Variants in CNTNAP2 observed in about 807,000 individuals in gnomAD.
The protein encoded by CNTNAP2 is contactin associated protein 2, also known as contactin-associated protein-like 2.
CNTNAP2 carries 98 observed loss-of-function variants against 155.2 expected under a neutral mutation model. The observed-to-expected ratio is 0.63, with a 90% CI of 0.54 to 0.75. CNTNAP2 has a LOEUF of 0.75. Among genes scored for constraint, CNTNAP2 ranks in the 30% least tolerant of loss-of-function variants. The pLI is 0.00. For synonymous variants in CNTNAP2, 651 were observed against 631.2 expected (o/e 1.03, Z -0.47); for missense variants, 1,727 against 1,688.1 (o/e 1.02, Z -0.40).
At chr7:148,092,584 G>C (rs1008148503) in intron 15 of CNTNAP2, among the ~76,000 whole-genome samples, 2 of 152,182 alleles carry the variant, frequency 1.3e-5, no homozygotes, top group African/African-American at 4.8e-5. Flanking sequence ...CTAGTCCGAA[G>C]CCTAGTGGTT....
chr7:148,138,099 C>T (rs1391252239), intron 16 of CNTNAP2, among the ~76,000 whole-genome samples: 2 of 152,154 alleles, frequency 1.3e-5, no homozygotes, highest in Non-Finnish European at 1.5e-5. Flanking sequence ...CCACAGAAAC[C>T]AGAAAACAGA....
intron 12 of CNTNAP2, among the ~76,000 whole-genome samples, chr7:147,591,289 G>A (rs1800729704): frequency 6.6e-6 from 1 of 152,110 alleles, no homozygotes; most frequent in East Asian, 1.9e-4. Context: ...GTGTCTGTAG[G>A]TTTATTTTTT....
intron 3 of CNTNAP2, among the ~76,000 whole-genome samples, chr7:146,961,715 G>C (rs1413892832): frequency 6.6e-6 from 1 of 152,134 alleles, no homozygotes; most frequent in Admixed American, 6.5e-5. Context: ...TTGCAATGCT[G>C]AGCACAGCCA....
intron 1 of CNTNAP2, among the ~76,000 whole-genome samples, chr7:146,554,066 A>T (rs1218807008): frequency 6.6e-6 from 1 of 152,190 alleles, no homozygotes; most frequent in East Asian, 1.9e-4. Flanking sequence ...TATCTGTATT[A>T]ACACCGATTC....
chr7:148,339,399 G>C (rs11763212), intron 21 of CNTNAP2: 31,019 of 152,316 alleles, frequency 0.2, 3,513 homozygotes, highest in Admixed American at 0.29. Flanking sequence ...AGTACAGTCA[G>C]ATCCGCCGCC....
chr7:147,456,301 C>T (rs1338360984), intron 10 of CNTNAP2, among the ~76,000 whole-genome samples: 6 of 152,046 alleles, frequency 3.9e-5, no homozygotes, highest in Admixed American at 6.6e-5. Context: ...GCTAGAACTA[C>T]CTCTGCTTAC....
At chr7:147,842,088 G>A (rs773812518) in intron 13 of CNTNAP2, among the ~76,000 whole-genome samples, 1 of 152,140 alleles carries the variant, frequency 6.6e-6, no homozygotes, top group Non-Finnish European at 1.5e-5. Flanking sequence ...TTACACAGGT[G>A]CTTAATATTT....
At chr7:147,097,627 C>G (rs751376188) in intron 4 of CNTNAP2, 5 of 152,176 alleles carry the variant, frequency 3.3e-5, no homozygotes, top group Admixed American at 3.3e-4. Context: ...TTATCTCCCA[C>G]CAGATCCCTC....
At chr7:146,638,476 CTTTTTTTT>C (rs879600389) in intron 1 of CNTNAP2, among the ~76,000 whole-genome samples, 1,734 of 64,392 alleles carry the variant, frequency 0.027, 48 homozygotes, top group South Asian at 0.093. Flanking sequence ...TCAGGTGTTT[CTTTTTTTT>C]TTTTTTTTTT....
intron 12 of CNTNAP2, among the ~76,000 whole-genome samples, chr7:147,598,388 T>C (rs1196186899): frequency 6.6e-6 from 1 of 152,148 alleles, no homozygotes; most frequent in Non-Finnish European, 1.5e-5. Context: ...TGTGTCCATG[T>C]GTTCTCATTG....
chr7:148,098,814 C>G (rs891558111), intron 15 of CNTNAP2, among the ~76,000 whole-genome samples: 1 of 152,108 alleles, frequency 6.6e-6, no homozygotes, highest in African/African-American at 2.4e-5. Flanking sequence ...GACCTTAGAT[C>G]AGGCTTTCTG....
chr7:147,811,899 A>G (rs1296732401), intron 13 of CNTNAP2, among the ~76,000 whole-genome samples: 1 of 152,222 alleles, frequency 6.6e-6, no homozygotes, highest in Non-Finnish European at 1.5e-5. Context: ...TGGGTCCTGC[A>G]TTCTAATGGG....
At chr7:147,335,334 G>A (rs1351593206) in intron 9 of CNTNAP2, among the ~76,000 whole-genome samples, 2 of 152,066 alleles carry the variant, frequency 1.3e-5, no homozygotes, top group African/African-American at 4.8e-5. Flanking sequence ...CATTTTTGCT[G>A]CAAATAAAGA....
intron 8 of CNTNAP2, among the ~76,000 whole-genome samples, chr7:147,238,032 T>C (rs1001447042): frequency 3.9e-5 from 6 of 152,244 alleles, no homozygotes; most frequent in African/African-American, 1.2e-4. Context: ...TTTATTTTTT[T>C]GAGACGGAGT....
chr7:146,151,060 A>T (rs1288540944), intron 1 of CNTNAP2, among the ~76,000 whole-genome samples: 3 of 152,062 alleles, frequency 2.0e-5, no homozygotes, highest in Non-Finnish European at 4.4e-5. Context: ...GTGAGAGTGC[A>T]GGAAAAATCT....
intron 8 of CNTNAP2, chr7:147,167,651 G>A: frequency 4.4e-6 from 2 of 457,394 alleles, no homozygotes; most frequent in East Asian, 4.2e-5. Context: ...GCGGAGCAGG[G>A]TATGGGCCAC....
intron 21 of CNTNAP2, among the ~76,000 whole-genome samples, chr7:148,368,772 C>CAGG (rs1246674046): frequency 1.3e-5 from 2 of 152,064 alleles, no homozygotes; most frequent in African/African-American, 4.8e-5. Flanking sequence ...ATTGAGCAAG[C>CAGG]AGGGGGTATG....
chr7:148,276,623 AGCATCTGCCATATTAC>A (rs1796874110), intron 21 of CNTNAP2, among the ~76,000 whole-genome samples: 1 of 152,250 alleles, frequency 6.6e-6, no homozygotes, highest in African/African-American at 2.4e-5. Context: ...GGGCACTGAC[AGCATCTGCCATATTAC>A]GGATCTATTT....
At chr7:146,558,033 G>A (rs1243544951) in intron 1 of CNTNAP2, among the ~76,000 whole-genome samples, 3 of 152,072 alleles carry the variant, frequency 2.0e-5, no homozygotes, top group African/African-American at 7.2e-5. Flanking sequence ...GTGTTTTTTA[G>A]TACTGTGACA....
Sources: gnomAD v4.1 joint callset for allele counts (sites outside exome capture counted in the v4.1 genomes callset) on GRCh38, gnomAD v4.1.1 for gene constraint, MANE v1.5 for transcripts, NCBI Gene and HGNC (gene_info 2026-07-23, HGNC 2026-07-21) for gene names.